DENND1B: variants seen among roughly 807,000 people sequenced by gnomAD.
DENND1B encodes DENN domain-containing protein 1B.
In DENND1B, 59 loss-of-function variants were observed where a neutral mutation model predicts 90.1. That is an observed-to-expected ratio of 0.65 (90% confidence interval 0.53 to 0.81). The LOEUF (loss-of-function observed/expected upper bound fraction) is 0.81, where lower values mean the gene tolerates loss of function less well. Among genes scored for constraint, DENND1B ranks in the 40% least tolerant of loss-of-function variants. The pLI is 0.00. For synonymous variants in DENND1B, 337 were observed against 324.6 expected (o/e 1.04, Z -0.41); for missense variants, 862 against 912.6 (o/e 0.94, Z 0.71).
chr1:197,691,179 A>T (rs1193691281), intron 3 of DENND1B, among the ~76,000 whole-genome samples: 1 of 151,866 alleles, frequency 6.6e-6, no homozygotes, highest in Non-Finnish European at 1.5e-5. Context: ...AACCTATAAC[A>T]TCTAAGAAAA....
chr1:197,564,181 T>C (rs1285295915), intron 15 of DENND1B, among the ~76,000 whole-genome samples: 4 of 151,742 alleles, frequency 2.6e-5, no homozygotes, highest in Admixed American at 6.6e-5. Context: ...TTTGAGAAGA[T>C]TGACTCCAAT....
In DENND1B at chr1:197,514,628, T is replaced by C. The variant is rs539068319; in HGVS notation, c.1516-1675A>G. ...TGACTGAAATAAGATTGGCCATGAG[T>C]TGATAATTGGTGAAGGCTACATAAA... is the stretch of plus-strand genomic sequence containing the variant. On this transcript the variant is annotated intron_variant, in intron 20 of 22. Transcript: ENST00000620048. Among the ~76,000 whole-genome samples the C allele has an allele frequency of 8.6e-5, 13 of 151,678 alleles. No individual in the cohort carries two copies. In the South Asian group the frequency reaches 1.0e-3, roughly 12 times the overall value.
intron 15 of DENND1B, among the ~76,000 whole-genome samples, chr1:197,558,093 T>G (rs1428745818): frequency 6.6e-6 from 1 of 151,826 alleles, no homozygotes; most frequent in South Asian, 2.1e-4. Flanking sequence ...AAAAGTGACA[T>G]CGATATAACA....
Position 197,740,527 on chromosome 1 carries a change from G to A in DENND1B, c.83-25453C>T, listed in dbSNP as rs149587832. Among the ~76,000 whole-genome samples, 45 of 152,194 alleles carry A rather than the reference G, an allele frequency of 3.0e-4. 1 individual carries two copies. The highest frequency in any genetic ancestry group is 9.9e-4 in the African/African-American group (41 of 41,544). ...GTAGACAAATTTCTATTACTGTATC[G>A]AATATGCTACACAATATATTTTGAA... On this transcript the variant is annotated intron_variant, in intron 2 of 22. Coordinates refer to ENST00000620048, the MANE Select transcript of DENND1B (RefSeq NM_001195215.2).
At chr1:197,560,450 C>T (rs1672069015) in intron 15 of DENND1B, among the ~76,000 whole-genome samples, 1 of 151,694 alleles carries the variant, frequency 6.6e-6, no homozygotes, top group African/African-American at 2.4e-5. Context: ...GATAGACTTC[C>T]TAAGGGAAGT....
At chr1:197,652,214 A>G (rs1432487417) in intron 7 of DENND1B, 21 bp downstream of exon 7, 1 of 1,602,256 alleles carries the variant, frequency 6.2e-7, no homozygotes, top group Admixed American at 1.7e-5. Flanking sequence ...TCCCAAAAAC[A>G]ATTACTGATT....
intron 3 of DENND1B, among the ~76,000 whole-genome samples, chr1:197,701,148 T>TA (rs1253572349): frequency 6.6e-6 from 1 of 152,204 alleles, no homozygotes; most frequent in African/African-American, 2.4e-5. Flanking sequence ...GTTGCAGCAC[T>TA]ATTTACAATA....
At chr1:197,603,778 A>G (rs1676417864) in intron 13 of DENND1B, among the ~76,000 whole-genome samples, 1 of 151,300 alleles carries the variant, frequency 6.6e-6, no homozygotes, top group Non-Finnish European at 1.5e-5. Flanking sequence ...TAAAATGAGC[A>G]GGAATATCTC....
At chr1:197,749,042 G>A (rs1653094360) in intron 2 of DENND1B, among the ~76,000 whole-genome samples, 1 of 152,046 alleles carries the variant, frequency 6.6e-6, no homozygotes, top group Non-Finnish European at 1.5e-5. Flanking sequence ...ATTGGATACT[G>A]TAGAATAAAA....
At chr1:197,780,060 G>C (rs948066083), upstream of DENND1B, among the ~76,000 whole-genome samples, 5 of 152,136 alleles carry the variant, frequency 3.3e-5, no homozygotes, top group African/African-American at 9.7e-5. Flanking sequence ...TAAATTCTCA[G>C]CTTGAAATTC....
rs981361210 is a variant in DENND1B at position 197,734,197 on chromosome 1, A to G, written c.83-19123T>C. ...AGAGAAACAGTAAACTAAAAAGTAGATAACTGATTAAAACTTAGAAATGAA... is the reference window on the plus strand; with the variant it reads ...AGAGAAACAGTAAACTAAAAAGTAGGTAACTGATTAAAACTTAGAAATGAA... On this transcript the variant is annotated intron_variant, in intron 2 of 22. Transcript: ENST00000620048. The G allele has an allele frequency of 5.8e-6, 5 of 868,290 alleles. No homozygotes were observed. The African/African-American group carries it at 9.1e-5, about 16-fold the overall frequency. The allele number at this position is 868,290 out of a possible 1,614,324, so 53.8% of individuals were successfully genotyped here. A position where few individuals can be genotyped will look rare whatever the true frequency, so the allele number is the denominator to read the frequency against.
chr1:197,615,659 C>T (rs973997412), intron 11 of DENND1B, among the ~76,000 whole-genome samples: 2 of 150,740 alleles, frequency 1.3e-5, no homozygotes, highest in African/African-American at 4.9e-5. Flanking sequence ...ACTGTTTACC[C>T]TAGGAAACAG....
intron 20 of DENND1B, 75 bp from the exon 21 acceptor site, chr1:197,513,028 A>T: frequency 8.0e-7 from 1 of 1,254,038 alleles, no homozygotes; most frequent in Non-Finnish European, 1.1e-6. Context: ...TAAAGCAACA[A>T]TGTGATTTCA....
At chr1:197,513,255 T>C (rs1215210918) in intron 20 of DENND1B, among the ~76,000 whole-genome samples, 1 of 151,514 alleles carries the variant, frequency 6.6e-6, no homozygotes, top group Non-Finnish European at 1.5e-5. Flanking sequence ...TTAGGGATAC[T>C]TGACTTATAC....
At chr1:197,701,380 G>C (rs926015025) in intron 3 of DENND1B, among the ~76,000 whole-genome samples, 7 of 152,148 alleles carry the variant, frequency 4.6e-5, no homozygotes, top group Non-Finnish European at 8.8e-5. Context: ...GTTGAACAAT[G>C]AGAATACATG....
At chr1:197,631,039 C>A (rs1167244204) in intron 10 of DENND1B, among the ~76,000 whole-genome samples, 3 of 152,102 alleles carry the variant, frequency 2.0e-5, no homozygotes, top group Admixed American at 1.3e-4. Flanking sequence ...ACTAAATTTA[C>A]TCCTTTCTAA....
intron 22 of DENND1B, among the ~76,000 whole-genome samples, chr1:197,511,379 G>GT (rs1481821441): frequency 1.9e-4 from 29 of 151,652 alleles, no homozygotes; most frequent in Non-Finnish European, 1.9e-4. Flanking sequence ...ATTTACTGAA[G>GT]TTTTTTTGAA....
intron 6 of DENND1B, among the ~76,000 whole-genome samples, chr1:197,657,014 C>A (rs576938088): frequency 1.3e-5 from 2 of 152,082 alleles, no homozygotes; most frequent in East Asian, 1.9e-4. Context: ...GAAAAGATTT[C>A]TTGGATATGA....
Position 197,617,724 on chromosome 1 carries a change from T to C in DENND1B, c.708A>G (p.Leu236=). Residue 236 remains leucine (L), a synonymous_variant, in exon 11 of 23, where the codon CTA becomes CTG. Transcript: ENST00000620048. ...ATATGTGTTGCCAATACATTGGGTA[T>C]AGAAGAGCAGCTGATCCATGGATAC... ...TACIHGSAAL[L]YPMYWQHIYI... 2 of 1,607,768 alleles carry C rather than the reference T, an allele frequency of 1.2e-6. No homozygotes were observed. Among genetic ancestry groups the C allele is most frequent in the Non-Finnish European group, 1.7e-6 (2 of 1,175,574 alleles).
Sources: allele counts gnomAD v4.1 joint callset (sites outside exome capture counted in the v4.1 genomes callset), GRCh38; gene constraint gnomAD v4.1.1; transcripts MANE v1.5; gene names NCBI Gene and HGNC (gene_info 2026-07-23, HGNC 2026-07-21).